Variants in SFI1 observed in about 807,000 individuals in gnomAD.
SFI1 encodes the protein SFI1 centrin binding protein.
A neutral mutation model predicts 207.5 loss-of-function variants in SFI1; 195 were observed. The ratio of observed to expected loss-of-function variants is 0.94; its 90% CI spans 0.84 to 1.06. SFI1 has a LOEUF of 1.06. Ranked by LOEUF, SFI1 falls within the 50% of genes least tolerant of loss-of-function variation. SFI1 has a pLI of 0.00. For missense variants in SFI1, 1,634 were observed against 1,588.0 expected (o/e 1.03, Z -0.49); for synonymous variants, 630 against 598.9 (o/e 1.05, Z -0.76).
At chr22:31,612,272 C>T (rs1381288078) in intron 24 of SFI1, 44 of 162,960 alleles carry the variant, frequency 2.7e-4, no homozygotes, top group African/African-American at 9.1e-4. Flanking sequence ...CCCAGCTACT[C>T]GGGAGGCTGA....
intron 24 of SFI1, chr22:31,612,105 G>A (rs1371442996): frequency 6.2e-6 from 7 of 1,136,168 alleles, no homozygotes; most frequent in East Asian, 1.3e-4. Context: ...GAGGCCGGGC[G>A]CAGTGGCTCA....
intron 4 of SFI1, among the ~76,000 whole-genome samples, chr22:31,540,202 A>G (rs1348539836): frequency 9.5e-6 from 1 of 105,718 alleles, no homozygotes; most frequent in Admixed American, 1.0e-4. Context: ...GGGGGGTGGG[A>G]TTGAGATGAA....
chr22:31,544,099 G>A (rs1486333131), intron 4 of SFI1, among the ~76,000 whole-genome samples: 2 of 152,120 alleles, frequency 1.3e-5, no homozygotes, highest in Non-Finnish European at 2.9e-5. Context: ...TGAGGCACGA[G>A]AATAACTTGA....
chr22:31,534,450 G>C (rs931150129), intron 4 of SFI1, among the ~76,000 whole-genome samples: 2 of 151,752 alleles, frequency 1.3e-5, no homozygotes, highest in African/African-American at 4.9e-5. Flanking sequence ...CACATCTCCA[G>C]GTTTCTATCT....
Position 31,613,360 on chromosome 22 carries a change from G to A in SFI1, c.2572G>A (p.Ala858Thr). The change falls in exon 26 of 33, where the codon GCC becomes ACC. Residue 858 changes from alanine to threonine, a missense_variant. By Grantham distance (58) the Ala-to-Thr change is moderately conservative. Transcript: ENST00000400288. ...WAFSLQAKVW[A>T]TWLAFVLERR... ...CCTCCTGCCCTCCCTGGAGGTGTGG[G>A]CCACGTGGCTGGCCTTTGTACTGGA... 6.2e-7 allele frequency: 1 copy of A among 1,607,940 alleles called. No individual in the cohort carries two copies. The highest frequency in any genetic ancestry group is 1.3e-5 in the African/African-American group (1 of 74,996).
chr22:31,585,581 G>C lies in SFI1; in HGVS notation c.1413+447G>C, dbSNP rs117133815. Among the ~76,000 whole-genome samples the C allele has an allele frequency of 2.6e-4, 40 of 152,318 alleles. 1 individual carries two copies. The East Asian group carries it at 7.1e-3, about 27-fold the overall frequency. ...AAGTAAAGGCAGATTGAGAAAGATA[G>C]ATTCAATTCCATTTAAGAAATACTT... On this transcript the variant is annotated intron_variant, in intron 14 of 32. Coordinates refer to ENST00000400288, the MANE Select transcript of SFI1 (RefSeq NM_001007467.3).
chr22:31,599,566 G>A (rs1045139420), intron 15 of SFI1, among the ~76,000 whole-genome samples: 18 of 152,244 alleles, frequency 1.2e-4, no homozygotes, highest in Admixed American at 6.5e-5. Context: ...TCTTGACCTC[G>A]TGATCCACCT....
intron 4 of SFI1, among the ~76,000 whole-genome samples, chr22:31,544,152 G>A (rs941197302): frequency 6.6e-6 from 1 of 152,174 alleles, no homozygotes; most frequent in South Asian, 2.1e-4. Context: ...TCATGCCACT[G>A]CACTCCAGCT....
intron 1 of SFI1, among the ~76,000 whole-genome samples, chr22:31,507,111 C>T (rs1197497972): frequency 3.9e-5 from 6 of 152,110 alleles, no homozygotes; most frequent in Admixed American, 6.6e-5. Context: ...AACTATACTG[C>T]GAGGTTACAG....
intron 31 of SFI1, among the ~76,000 whole-genome samples, 200 bp downstream of exon 31, chr22:31,617,278 C>T (rs1409185979): frequency 1.3e-5 from 2 of 152,112 alleles, no homozygotes; most frequent in African/African-American, 2.4e-5. Context: ...CTACCCGGCT[C>T]AGTGCTGCTT....
chr22:31,564,434 T>C (rs944078457), intron 8 of SFI1, among the ~76,000 whole-genome samples: 6 of 151,476 alleles, frequency 4.0e-5, no homozygotes, highest in Non-Finnish European at 5.9e-5. Context: ...AATTAGCAGA[T>C]AGCCAAGTAC....
At chr22:31,615,329 G>A (rs1793222203) in intron 29 of SFI1, 50 bp downstream of exon 29, 2 of 1,394,624 alleles carry the variant, frequency 1.4e-6, no homozygotes, top group African/African-American at 2.9e-5. Flanking sequence ...ACTCTGGTCT[G>A]ACTTCTGGTG....
intron 2 of SFI1, among the ~76,000 whole-genome samples, chr22:31,516,125 G>C (rs145876569): frequency 6.6e-6 from 1 of 151,848 alleles, no homozygotes; most frequent in African/African-American, 2.4e-5. Context: ...ATATATAGGA[G>C]GTTTTCTGTT....
chr22:31,544,896 T>G (rs1340983489), intron 4 of SFI1, among the ~76,000 whole-genome samples: 1 of 152,146 alleles, frequency 6.6e-6, no homozygotes, highest in Non-Finnish European at 1.5e-5. Flanking sequence ...TTCCCTCTTT[T>G]TAAGTTTTTT....
intron 8 of SFI1, among the ~76,000 whole-genome samples, chr22:31,565,522 C>A (rs2062201100): frequency 6.9e-6 from 1 of 145,150 alleles, no homozygotes. Flanking sequence ...CATAGTGAGA[C>A]CCCATCTCTA....
chr22:31,501,655 GTTATA>G (rs1214703639), intron 1 of SFI1, among the ~76,000 whole-genome samples: 1 of 152,174 alleles, frequency 6.6e-6, no homozygotes, highest in Non-Finnish European at 1.5e-5. Context: ...TGCTGAGGTA[GTTATA>G]TTAAAGTAGG....
intron 15 of SFI1, among the ~76,000 whole-genome samples, 193 bp downstream of exon 15, chr22:31,589,770 T>G (rs1160699943): frequency 1.3e-5 from 2 of 152,072 alleles, no homozygotes; most frequent in Admixed American, 6.5e-5. Flanking sequence ...GGGAAATCTT[T>G]TGTCCATCTT....
chr22:31,616,981 C>G lies in SFI1; in HGVS notation c.3434-19C>G. 2 of 1,614,002 alleles carry G rather than the reference C, an allele frequency of 1.2e-6. No homozygotes were observed. The highest frequency in any genetic ancestry group is 1.7e-6 in the Non-Finnish European group (2 of 1,179,964). Reference sequence around the variant, plus strand: ...CGAGGGGAAAATAGTCTGAAACAAGCTTACTTCTGTCGCCATAGGCAGCCT... The same window carrying G: ...CGAGGGGAAAATAGTCTGAAACAAGGTTACTTCTGTCGCCATAGGCAGCCT... On this transcript the variant is annotated intron_variant, in intron 30 of 32. Coordinates refer to ENST00000400288, the MANE Select transcript of SFI1 (RefSeq NM_001007467.3).
intron 2 of SFI1, among the ~76,000 whole-genome samples, chr22:31,511,901 C>T (rs969447846): frequency 6.6e-6 from 1 of 152,114 alleles, no homozygotes; most frequent in African/African-American, 2.4e-5. Context: ...ATCCGCCTGT[C>T]TTGGCCTCCC....
Sources: gnomAD v4.1 joint callset for allele counts (sites outside exome capture counted in the v4.1 genomes callset) on GRCh38, gnomAD v4.1.1 for gene constraint, MANE v1.5 for transcripts, NCBI Gene and HGNC (gene_info 2026-07-23, HGNC 2026-07-21) for gene names.